Variants in GRM3 observed in about 807,000 individuals in gnomAD.
GRM3 encodes glutamate metabotropic receptor 3.
GRM3 carries 26 observed loss-of-function variants against 70.5 expected under a neutral mutation model. The ratio of observed to expected loss-of-function variants is 0.37; its 90% CI spans 0.27 to 0.51. GRM3 has a LOEUF of 0.51. Ranked by LOEUF, GRM3 falls within the 20% of genes least tolerant of loss-of-function variation. The pLI, the probability that GRM3 is intolerant of heterozygous loss-of-function variation, is 0.93. For missense variants in GRM3, 859 were observed against 1,123.8 expected, an observed-to-expected ratio of 0.76 and a Z score of 3.37; for synonymous variants, 443 against 434.9, an observed-to-expected ratio of 1.02 and a Z score of -0.23.
In GRM3 at chr7:86,717,429, A is replaced by G. The variant is rs572245654; in HGVS notation, c.-140-47577A>G. ...ATACAGACAGAGCAGAATGATAATC[A>G]GCAAGTGGCTATCATTTGATCCTGT... On this transcript the variant is annotated intron_variant, in intron 1 of 5. Transcript: ENST00000361669. Among the ~76,000 whole-genome samples the G allele has an allele frequency of 3.9e-5, 6 of 152,128 alleles. No homozygotes were observed. In the East Asian group the frequency reaches 9.7e-4, roughly 25 times the overall value.
At chr7:86,781,776 G>A (rs979303124) in intron 2 of GRM3, among the ~76,000 whole-genome samples, 1 of 151,704 alleles carries the variant, frequency 6.6e-6, no homozygotes, top group African/African-American at 2.4e-5. Flanking sequence ...ATTTTATTTG[G>A]CCACTATAAA....
chr7:86,858,790 G>A (rs1382394194), intron 5 of GRM3, among the ~76,000 whole-genome samples: 1 of 152,094 alleles, frequency 6.6e-6, no homozygotes, highest in East Asian at 1.9e-4. Flanking sequence ...ATTGAATGAA[G>A]AAGTCACTGC....
At chr7:86,696,651 A>G (rs963668987) in intron 1 of GRM3, among the ~76,000 whole-genome samples, 2 of 152,062 alleles carry the variant, frequency 1.3e-5, no homozygotes, top group Admixed American at 6.6e-5. Flanking sequence ...TCTGTTTTAT[A>G]AAGGTGAAGA....
In GRM3 at chr7:86,644,551, C is replaced by T. The variant is rs575799066; in HGVS notation, c.-462C>T. On this transcript the variant is annotated 5_prime_UTR_variant, in exon 1 of 6. Coordinates refer to ENST00000361669, the MANE Select transcript of GRM3 (RefSeq NM_000840.3). ...GGGTCCCCTCTTTCCCCAACCTCCT[C>T]CCTCTCTTCTACTCCACCCCTCCGT... is the stretch of plus-strand genomic sequence containing the variant. The T allele has an allele frequency of 2.6e-6, 1 of 381,422 alleles. No individual in the cohort carries two copies. Among genetic ancestry groups the T allele is most frequent in the Non-Finnish European group, 5.2e-6 (1 of 191,276 alleles). 23.6% of individuals were successfully genotyped at this position (381,422 alleles called of 1,614,324 possible).
chr7:86,683,586 G>A (rs1396236738), intron 1 of GRM3, among the ~76,000 whole-genome samples: 1 of 152,142 alleles, frequency 6.6e-6, no homozygotes, highest in Non-Finnish European at 1.5e-5. Flanking sequence ...AGAGTATCCA[G>A]AGAGATTGAA....
intron 5 of GRM3, among the ~76,000 whole-genome samples, chr7:86,858,026 G>A (rs942382509): frequency 4.0e-5 from 6 of 151,296 alleles, no homozygotes; most frequent in East Asian, 3.9e-4. Context: ...GCACAATCTC[G>A]GCTCATTACA....
In GRM3 at chr7:86,705,810, A is replaced by G. The variant is rs79574017; in HGVS notation, c.-140-59196A>G. 8.6e-3 allele frequency among the ~76,000 whole-genome samples: 1,303 copies of G among 152,182 alleles called. 16 individuals carry two copies. The highest frequency in any genetic ancestry group is 0.029 in the African/African-American group (1,199 of 41,560). On this transcript the variant is annotated intron_variant, in intron 1 of 5. Coordinates refer to ENST00000361669, the MANE Select transcript of GRM3 (RefSeq NM_000840.3). ...ATAGGACATAAATGTTGCCTGATCA[A>G]TCTCATCTCTCCCCTTTGGAAAAAC...
chr7:86,735,270 C>T (rs1484647310), intron 1 of GRM3, among the ~76,000 whole-genome samples: 1 of 152,190 alleles, frequency 6.6e-6, no homozygotes, highest in African/African-American at 2.4e-5. Context: ...CTCCACACTC[C>T]TCAGTACAAA....
chr7:86,800,908 A>G (rs546850554), intron 3 of GRM3, among the ~76,000 whole-genome samples: 1 of 152,272 alleles, frequency 6.6e-6, no homozygotes, highest in African/African-American at 2.4e-5. Flanking sequence ...GGCAAACCGA[A>G]TCCAGCAGCA....
chr7:86,740,609 A>C (rs978426263), intron 1 of GRM3, among the ~76,000 whole-genome samples: 1 of 152,224 alleles, frequency 6.6e-6, no homozygotes, highest in Non-Finnish European at 1.5e-5. Context: ...TTAAAAATCC[A>C]TAAGAAATTC....
intron 1 of GRM3, among the ~76,000 whole-genome samples, chr7:86,743,144 T>C (rs1224943572): frequency 2.0e-5 from 3 of 152,178 alleles, no homozygotes; most frequent in Non-Finnish European, 4.4e-5. Flanking sequence ...AGATGAAAAC[T>C]ATATAGCATG....
At chr7:86,817,994 C>G (rs1454201570) in intron 3 of GRM3, among the ~76,000 whole-genome samples, 1 of 151,902 alleles carries the variant, frequency 6.6e-6, no homozygotes, top group Non-Finnish European at 1.5e-5. Flanking sequence ...TACGCTGAGC[C>G]TACCTCCTTA....
chr7:86,832,996 G>GGTTGTTCT, intron 3 of GRM3: 1 of 983,370 alleles, frequency 1.0e-6, no homozygotes, highest in Non-Finnish European at 1.2e-6. Context: ...CCATCTTCCT[G>GGTTGTTCT]GTTGTTCTTT....
At chr7:86,654,877 T>A (rs1793695993) in intron 1 of GRM3, among the ~76,000 whole-genome samples, 1 of 152,214 alleles carries the variant, frequency 6.6e-6, no homozygotes, top group Non-Finnish European at 1.5e-5. Context: ...AAATTTTTTT[T>A]ATATTCAGCT....
intron 1 of GRM3, among the ~76,000 whole-genome samples, chr7:86,724,408 A>G (rs1795544199): frequency 6.6e-6 from 1 of 152,110 alleles, no homozygotes; most frequent in Non-Finnish European, 1.5e-5. Flanking sequence ...TTCAGCTCAT[A>G]TTGTCTAACT....
At chr7:86,646,004 G>C (rs1584135027) in intron 1 of GRM3, among the ~76,000 whole-genome samples, 1 of 60,124 alleles carries the variant, frequency 1.7e-5, no homozygotes, top group Non-Finnish European at 3.3e-5. Flanking sequence ...GGGGTGGGGG[G>C]GTGGGGGGGG....
chr7:86,789,960 C>T (rs1797364531), intron 3 of GRM3, among the ~76,000 whole-genome samples: 2 of 152,196 alleles, frequency 1.3e-5, no homozygotes, highest in Non-Finnish European at 2.9e-5. Flanking sequence ...ATAGTAATCT[C>T]TCCTGGCACA....
intron 1 of GRM3, among the ~76,000 whole-genome samples, chr7:86,750,635 A>G (rs1369827857): frequency 6.6e-6 from 1 of 152,052 alleles, no homozygotes; most frequent in Non-Finnish European, 1.5e-5. Flanking sequence ...GCATCGTTCA[A>G]GTGACCACAG....
intron 1 of GRM3, among the ~76,000 whole-genome samples, chr7:86,758,983 C>T (rs912169901): frequency 9.2e-5 from 14 of 151,990 alleles, no homozygotes; most frequent in Non-Finnish European, 1.6e-4. Context: ...TCAATTAATT[C>T]CCATGATTTG....
Sources: gnomAD v4.1 joint callset for allele counts (sites outside exome capture counted in the v4.1 genomes callset) on GRCh38, gnomAD v4.1.1 for gene constraint, MANE v1.5 for transcripts, NCBI Gene and HGNC (gene_info 2026-07-23, HGNC 2026-07-21) for gene names.